ENPP1: variants seen among roughly 807,000 people sequenced by gnomAD.
The protein encoded by ENPP1 is ectonucleotide pyrophosphatase/phosphodiesterase family member 1.
In ENPP1, 73 loss-of-function variants were observed where a neutral mutation model predicts 122.8. The observed-to-expected ratio is 0.59, with a 90% CI of 0.49 to 0.72. The LOEUF (loss-of-function observed/expected upper bound fraction) is 0.72, where lower values mean the gene tolerates loss of function less well. Ranked by LOEUF, ENPP1 falls within the 30% of genes least tolerant of loss-of-function variation. The pLI, the probability that ENPP1 is intolerant of heterozygous loss-of-function variation, is 0.00. For synonymous variants in ENPP1, 367 were observed against 391.6 expected, an observed-to-expected ratio of 0.94 and a Z score of 0.74; for missense variants, 978 against 1,128.1, an observed-to-expected ratio of 0.87 and a Z score of 1.91.
chr6:131,826,553 C>T lies in ENPP1; in HGVS notation c.240+18278C>T, dbSNP rs1168120675. 3.3e-6 allele frequency: 4 copies of T among 1,222,432 alleles called. No homozygotes were observed. The African/African-American group carries it at 5.9e-5, about 18-fold the overall frequency. The allele number at this position is 1,222,432 out of a possible 1,614,324, so 75.7% of individuals were successfully genotyped here. A position where few individuals can be genotyped will look rare whatever the true frequency, so the allele number is the denominator to read the frequency against. On this transcript the variant is annotated intron_variant, in intron 1 of 24. Transcript: ENST00000647893. ...GTTTTAAGGTTATTTTCCTTTAGGT[C>T]TAACTCATGCAAATTATTCAGGCTG...
intron 9 of ENPP1, among the ~76,000 whole-genome samples, chr6:131,862,037 C>T (rs369566317): frequency 7.2e-5 from 11 of 152,046 alleles, no homozygotes; most frequent in African/African-American, 2.4e-4. Flanking sequence ...GGCGTGATGG[C>T]GGGCGCCTGT....
chr6:131,890,147 A>G (rs893678787), intron 24 of ENPP1, among the ~76,000 whole-genome samples, 194 bp from the exon 25 acceptor site: 1 of 152,174 alleles, frequency 6.6e-6, no homozygotes, highest in African/African-American at 2.4e-5. Context: ...GAAGCATCTA[A>G]TTAAACAAAC....
chr6:131,884,796 C>CG, intron 22 of ENPP1, 135 bp from the exon 23 acceptor site: 1 of 1,065,484 alleles, frequency 9.4e-7, no homozygotes, highest in Non-Finnish European at 1.4e-6. Context: ...CAAAACAAAA[C>CG]GAAGACTGAA....
chr6:131,820,129 G>A, intron 1 of ENPP1: 1 of 385,894 alleles, frequency 2.6e-6, no homozygotes, highest in South Asian at 2.7e-5. Context: ...ACTGGTCATA[G>A]TTTAAGAGAT....
At chr6:131,868,738 C>A (rs1276957195) in intron 12 of ENPP1, among the ~76,000 whole-genome samples, 1 of 152,178 alleles carries the variant, frequency 6.6e-6, no homozygotes, top group Non-Finnish European at 1.5e-5. Context: ...TCGTGCCCAG[C>A]CTTCAATTTT....
intron 1 of ENPP1, among the ~76,000 whole-genome samples, chr6:131,835,353 A>G (rs1053045929): frequency 3.3e-5 from 5 of 152,168 alleles, no homozygotes; most frequent in Non-Finnish European, 7.3e-5. Flanking sequence ...TCTGTTCTTC[A>G]AATGCTTATT....
chr6:131,852,018 C>T (rs1013561501), intron 4 of ENPP1, among the ~76,000 whole-genome samples, 157 bp from the exon 5 acceptor site: 1 of 152,134 alleles, frequency 6.6e-6, no homozygotes, highest in Admixed American at 6.6e-5. Context: ...CACAATAATT[C>T]TCTTTATTGA....
chr6:131,875,769 C>T lies in ENPP1; in HGVS notation c.1636-7C>T. On this transcript the variant is annotated splice_region_variant and splice_polypyrimidine_tract_variant and intron_variant, in intron 16 of 24. Transcript: ENST00000647893. Reference sequence around the variant, plus strand: ...GCACTGATAAACTTCCTTTTCTGGCCATCTAGGCCCTCTTTGTTGGCTATG... The same window carrying T: ...GCACTGATAAACTTCCTTTTCTGGCTATCTAGGCCCTCTTTGTTGGCTATG... The T allele has an allele frequency of 1.9e-6, 3 of 1,612,338 alleles. No individual in the cohort carries two copies. Among genetic ancestry groups the T allele is most frequent in the Non-Finnish European group, 2.5e-6 (3 of 1,178,406 alleles).
rs749457850 is a variant in ENPP1 at position 131,882,468 on chromosome 6, C to T, written c.2224C>T (p.Pro742Ser). Reference protein sequence around the residue: ...NTKVSYGFLSPPQLNKNSSGI... With the variant: ...NTKVSYGFLSSPQLNKNSSGI... ...CAAAGTGAGTTACGGGTTCCTCTCC[C>T]CACCACGTAAGTTTTTTCCTCTCCT... Residue 742 changes from proline (P) to serine (S), a missense_variant, in exon 21 of 25, where the codon CCA (proline) becomes TCA (serine). Physicochemically the swap from Pro to Ser is moderately conservative, Grantham distance 74. Transcript: ENST00000647893. The T allele has an allele frequency of 8.1e-6, 13 of 1,605,710 alleles. No homozygotes were observed. Among genetic ancestry groups the T allele is most frequent in the Middle Eastern group, 1.7e-4 (1 of 6,044 alleles).
At position 131,864,880 on chromosome 6, in the gene ENPP1, C is replaced by G. The variant is rs1446027518; in HGVS notation, c.1106C>G (p.Thr369Ser). The G allele has an allele frequency of 6.2e-7, 1 of 1,601,140 alleles. No homozygotes were observed. The highest frequency in any genetic ancestry group is 8.6e-7 in the Non-Finnish European group (1 of 1,168,368). The change falls in exon 11 of 25, where the codon ACT becomes AGT. Residue 369 changes from threonine to serine, a missense_variant. By Grantham distance (58) the Thr-to-Ser change is moderately conservative (BLOSUM62 1). Coordinates refer to ENST00000647893, the MANE Select transcript of ENPP1 (RefSeq NM_006208.3). The stretch of plus-strand genomic sequence containing the variant: ...GTTTGATTTAGACCACACTTTTACA[C>G]TCTGTATTTAGAAGAACCAGATTCT... ...LPKDERPHFY[T>S]LYLEEPDSSG... is the part of the protein sequence containing the mutation.
At position 131,893,081 on chromosome 6, in the gene ENPP1, T is replaced by C. The variant is rs986081623; in HGVS notation, c.*2570T>C. 1.3e-5 allele frequency: 2 copies of C among 152,212 alleles called. No individual in the cohort carries two copies. The highest frequency in any genetic ancestry group is 4.8e-5 in the African/African-American group (2 of 41,448). 9.4% of individuals were successfully genotyped at this position (152,212 alleles called of 1,614,324 possible). On this transcript the variant is annotated 3_prime_UTR_variant, in exon 25 of 25. Transcript: ENST00000647893. ...AGAGTCTTGCTGTGTTTTAATATAA[T>C]ATCCAGGATTTTTATATGCATTTAG...
intron 18 of ENPP1, chr6:131,877,410 G>A (rs776931240): frequency 3.8e-5 from 20 of 519,900 alleles, no homozygotes; most frequent in Non-Finnish European, 6.6e-5. Context: ...GTGTGGTGAA[G>A]TCTAGTTAGT....
intron 13 of ENPP1, among the ~76,000 whole-genome samples, chr6:131,870,504 A>G (rs2114712813): frequency 1.3e-5 from 2 of 152,318 alleles, no homozygotes; most frequent in East Asian, 3.9e-4. Flanking sequence ...TCTTTTTGAT[A>G]TGATATAGTT....
At position 131,890,506 on chromosome 6, in the gene ENPP1, G is replaced by T; in HGVS notation, c.2773G>T (p.Asp925Tyr). ...KTHLPTFSQE[D>Y] is the part of the protein sequence containing the mutation. ...ACATTTGCCAACCTTTAGCCAAGAA[G>T]ACTGATATGTTTTTTATCCCCAAAC... is the stretch of plus-strand genomic sequence containing the variant. Residue 925 changes from aspartate (D) to tyrosine (Y), a missense_variant, in exon 25 of 25, where the codon GAC (aspartate) becomes TAC (tyrosine). By Grantham distance (160) the Asp-to-Tyr change is radical. Coordinates refer to ENST00000647893, the MANE Select transcript of ENPP1 (RefSeq NM_006208.3). 1 of 1,613,078 alleles carries T rather than the reference G, an allele frequency of 6.2e-7. No individual in the cohort carries two copies. Among genetic ancestry groups the T allele is most frequent in the East Asian group, 2.2e-5 (1 of 44,874 alleles).
In ENPP1 at chr6:131,879,879, G is replaced by A; in HGVS notation, c.1946-1G>A. 1 of 1,612,872 alleles carries A rather than the reference G, an allele frequency of 6.2e-7. No homozygotes were observed. Among genetic ancestry groups the A allele is most frequent in the Non-Finnish European group, 8.5e-7 (1 of 1,178,980 alleles). ...CATTTATTTTCATCCTGTGACCCAA[G>A]AGAAGATTATTAAGCATGAAACTTT... On this transcript the variant is annotated splice_acceptor_variant, in intron 19 of 24. Coordinates refer to ENST00000647893, the MANE Select transcript of ENPP1 (RefSeq NM_006208.3). LOFTEE classifies it high-confidence loss of function.
At chr6:131,845,072 T>C (rs975378474) in intron 1 of ENPP1, among the ~76,000 whole-genome samples, 8 of 127,942 alleles carry the variant, frequency 6.3e-5, no homozygotes, top group African/African-American at 2.0e-4. Context: ...TTTTTTTTTT[T>C]CCTTGAGACA....
intron 1 of ENPP1, among the ~76,000 whole-genome samples, chr6:131,845,194 G>A (rs544964640): frequency 6.6e-6 from 1 of 150,930 alleles, no homozygotes; most frequent in African/African-American, 2.4e-5. Flanking sequence ...CACTGCACCT[G>A]GCTAATTTTT....
In ENPP1 at chr6:131,808,057, G is replaced by C. The variant is rs980833673; in HGVS notation, c.22G>C (p.Gly8Arg). MERDGCA[G>R]GGSRGGEGGR... is the part of the protein sequence containing the mutation. ...CACGATGGAGCGCGACGGCTGCGCG[G>C]GGGGCGGGAGCCGCGGCGGCGAGGG... The change falls in exon 1 of 25, where the codon GGG becomes CGG. Residue 8 changes from glycine to arginine, a missense_variant. Physicochemically the swap from Gly to Arg is moderately radical, Grantham distance 125 (BLOSUM62 -2). This residue lies in a region of ENPP1 where 330 missense variants were observed against 328.5 expected (regional missense o/e 1.00). Transcript: ENST00000647893. 1.1e-5 allele frequency: 11 copies of C among 990,326 alleles called. No homozygotes were observed. Among genetic ancestry groups the C allele is most frequent in the African/African-American group, 1.1e-4 (6 of 56,732 alleles). 61.3% of individuals were successfully genotyped at this position (990,326 alleles called of 1,614,324 possible).
chr6:131,884,791 C>T (rs1782355104), intron 22 of ENPP1, 140 bp from the exon 23 acceptor site: 3 of 1,026,116 alleles, frequency 2.9e-6, no homozygotes, highest in Non-Finnish European at 3.0e-6. Flanking sequence ...AAAAACAAAA[C>T]AAAACGAAGA....
Sources: gnomAD v4.1 joint callset for allele counts (sites outside exome capture counted in the v4.1 genomes callset) on GRCh38, gnomAD v4.1.1 for gene constraint, gnomAD v4.1.1 regional missense constraint, MANE v1.5 for transcripts, NCBI Gene and HGNC (gene_info 2026-07-23, HGNC 2026-07-21) for gene names.